The following SEC24B variants were observed in gnomAD, a reference collection of about 807,000 sequenced individuals.
SEC24B encodes protein transport protein Sec24B.
Under a neutral mutation model 142.8 loss-of-function variants are expected in SEC24B, and 45 were observed. That is an observed-to-expected ratio of 0.32 (90% CI 0.25 to 0.40). SEC24B has a LOEUF of 0.40. Ranked by LOEUF, SEC24B falls within the 10% of genes least tolerant of loss-of-function variation. The probability of loss-of-function intolerance (pLI) is 1.00; values close to 1 mark genes in which losing one functional copy is unlikely to be tolerated. For missense variants in SEC24B, 1,409 were observed against 1,526.8 expected (o/e 0.92, Z 1.29); for synonymous variants, 574 against 568.2 (o/e 1.01, Z -0.15).
At chr4:109,487,731 G>A (rs1350657099) in intron 4 of SEC24B, among the ~76,000 whole-genome samples, 1 of 151,968 alleles carries the variant, frequency 6.6e-6, no homozygotes, top group Non-Finnish European at 1.5e-5. Flanking sequence ...GATTTATTTG[G>A]GTTTATAACA....
chr4:109,442,063 A>G (rs530290413), intron 1 of SEC24B, among the ~76,000 whole-genome samples: 4 of 152,274 alleles, frequency 2.6e-5, no homozygotes, highest in South Asian at 2.1e-4. Flanking sequence ...GTAATTGCCT[A>G]TTGCCTTAGG....
intron 7 of SEC24B, among the ~76,000 whole-genome samples, chr4:109,508,452 A>G (rs1440842354): frequency 6.6e-6 from 1 of 152,122 alleles, no homozygotes; most frequent in Non-Finnish European, 1.5e-5. Context: ...CTGTGGTCCC[A>G]GCTACTCTGT....
At position 109,520,417 on chromosome 4, in the gene SEC24B, T is replaced by C; in HGVS notation, c.2178T>C (p.Thr726=). ...TAGGATTCATGACCTTTGATAGCAC[T>C]ATTCATTTCTACAATTTACAAGAAG... The part of the protein sequence containing the change: ...TRIGFMTFDS[T]IHFYNLQEGL... The change falls in exon 12 of 24, where the codon ACT becomes ACC. Residue 726 remains threonine (T), a synonymous_variant. Transcript: ENST00000265175. The C allele has an allele frequency of 6.2e-7, 1 of 1,612,644 alleles. No individual in the cohort carries two copies.
chr4:109,438,453 A>G (rs1033729375), intron 1 of SEC24B, among the ~76,000 whole-genome samples: 2 of 152,140 alleles, frequency 1.3e-5, no homozygotes, highest in Non-Finnish European at 2.9e-5. Flanking sequence ...AGCTGGGACT[A>G]TAGGTGTGTG....
rs1724045963 is a variant in SEC24B at position 109,524,814 on chromosome 4, T to C, written c.2509-4T>C. 1.2e-6 allele frequency: 2 copies of C among 1,609,082 alleles called. No homozygotes were observed. Among genetic ancestry groups the C allele is most frequent in the African/African-American group, 1.3e-5 (1 of 74,630 alleles). ...AGCTCTTACTATATGATCTGTTGAC[T>C]TAGGTGGTACAACATCTTGGCCCTG... On this transcript the variant is annotated splice_region_variant and splice_polypyrimidine_tract_variant and intron_variant, in intron 14 of 23. Transcript: ENST00000265175.
chr4:109,521,235 T>C (rs1029071124), intron 13 of SEC24B, 63 bp downstream of exon 13: 10 of 1,128,762 alleles, frequency 8.9e-6, no homozygotes, highest in Admixed American at 6.4e-5. Flanking sequence ...AACTAAAATA[T>C]TTAACATTTG....
chr4:109,520,867 C>A (rs1276846830), intron 12 of SEC24B, among the ~76,000 whole-genome samples: 2 of 152,172 alleles, frequency 1.3e-5, no homozygotes, highest in Non-Finnish European at 2.9e-5. Context: ...TGGCGCATGC[C>A]TGTAATCCCA....
rs367661955 is a variant in SEC24B, at chr4:109,515,133, C to T, written c.2013+1277C>T. Among the ~76,000 whole-genome samples the T allele has an allele frequency of 4.6e-5, 7 of 152,218 alleles. No homozygotes were observed. In the East Asian group the frequency reaches 1.2e-3, roughly 25 times the overall value. On this transcript the variant is annotated intron_variant, in intron 10 of 23. Coordinates refer to ENST00000265175, the MANE Select transcript of SEC24B (RefSeq NM_006323.5). The stretch of plus-strand genomic sequence containing the variant: ...TATTTATTTTTGAGATGGAGTCACG[C>T]TCTGTCATCCAGGCTGGAGTGCAGT...
intron 17 of SEC24B, 21 bp downstream of exon 17, chr4:109,526,420 A>C: frequency 8.9e-6 from 14 of 1,576,050 alleles, no homozygotes; most frequent in Non-Finnish European, 1.2e-5. Flanking sequence ...CAGAAATGAA[A>C]TATAGTCTGC....
intron 14 of SEC24B, among the ~76,000 whole-genome samples, chr4:109,522,990 C>G (rs1469819886): frequency 6.6e-6 from 1 of 152,094 alleles, no homozygotes; most frequent in Non-Finnish European, 1.5e-5. Flanking sequence ...TACCTCAGCC[C>G]TGCAAAGTGC....
At chr4:109,508,540 C>T (rs1462397661) in intron 7 of SEC24B, among the ~76,000 whole-genome samples, 2 of 151,854 alleles carry the variant, frequency 1.3e-5, no homozygotes, top group African/African-American at 2.4e-5. Context: ...GTACTCCAGC[C>T]TGGGTGACAG....
Position 109,530,332 on chromosome 4 carries a change from T to C in SEC24B, c.3120T>C (p.Asp1040=). 6.2e-7 allele frequency: 1 copy of C among 1,614,050 alleles called. No individual in the cohort carries two copies. The highest frequency in any genetic ancestry group is 8.5e-7 in the Non-Finnish European group (1 of 1,179,942). The part of the protein sequence containing the change: ...SVSSSLSDAR[D]ALVNAVVDSL... Reference sequence around the variant, plus strand: ...CATCAAGTCTGTCAGATGCAAGAGATGCCTTAGTGAATGCTGTAGTGGACT... The same window carrying C: ...CATCAAGTCTGTCAGATGCAAGAGACGCCTTAGTGAATGCTGTAGTGGACT... Residue 1040 remains aspartate (D), a synonymous_variant, in exon 19 of 24, where the codon GAT becomes GAC. Coordinates refer to ENST00000265175, the MANE Select transcript of SEC24B (RefSeq NM_006323.5).
chr4:109,471,818 A>C (rs929093091), intron 2 of SEC24B, among the ~76,000 whole-genome samples: 2 of 152,148 alleles, frequency 1.3e-5, no homozygotes, highest in African/African-American at 4.8e-5. Flanking sequence ...TGTAAGCTGC[A>C]GTGTCCCTCG....
At chr4:109,465,426 A>C (rs1300090949) in intron 2 of SEC24B, among the ~76,000 whole-genome samples, 1 of 151,580 alleles carries the variant, frequency 6.6e-6, no homozygotes, top group Non-Finnish European at 1.5e-5. Flanking sequence ...ACAAATGAAG[A>C]AAGTTATCCA....
intron 22 of SEC24B, among the ~76,000 whole-genome samples, chr4:109,534,111 T>C (rs1218697470): frequency 5.9e-5 from 9 of 151,842 alleles, no homozygotes. Context: ...GGCTCAGTAA[T>C]GGCTCACTAT....
In SEC24B at chr4:109,526,244, T is replaced by C. The variant is rs763044095; in HGVS notation, c.2810T>C (p.Phe937Ser). The C allele has an allele frequency of 6.2e-7, 1 of 1,613,982 alleles. No individual in the cohort carries two copies. The highest frequency in any genetic ancestry group is 8.5e-7 in the Non-Finnish European group (1 of 1,179,952). ...TTTTTAGGTCTTTCAATGCACACTT[T>C]TCACGGTAACTTCTTTGTCCGTTCT... ...RCTKGLSMHT[F>S]HGNFFVRSTD... is the part of the protein sequence containing the mutation. Residue 937 changes from phenylalanine (F) to serine (S), a missense_variant, in exon 17 of 24, where the codon TTT becomes TCT. Physicochemically the swap from Phe to Ser is radical, Grantham distance 155 (BLOSUM62 -2). This residue lies in a region of SEC24B where 700 missense variants were observed against 853.3 expected (regional missense o/e 0.82). Transcript: ENST00000265175.
At chr4:109,516,443 C>A in intron 10 of SEC24B, 85 bp from the exon 11 acceptor site, 1 of 716,914 alleles carries the variant, frequency 1.4e-6, no homozygotes, top group Non-Finnish European at 2.3e-6. Flanking sequence ...TTAATATATT[C>A]AGTAAATATC....
intron 2 of SEC24B, 102 bp from the exon 3 acceptor site, chr4:109,472,902 A>T (rs988730892): frequency 3.1e-5 from 10 of 321,268 alleles, no homozygotes; most frequent in Non-Finnish European, 5.2e-5. Context: ...TTATATAATT[A>T]TATTATATAT....
intron 1 of SEC24B, among the ~76,000 whole-genome samples, chr4:109,441,374 A>G: frequency 6.6e-6 from 1 of 152,222 alleles, no homozygotes; most frequent in East Asian, 1.9e-4. Flanking sequence ...ATATCAGATT[A>G]TATGTAGAAA....
Sources: gnomAD v4.1 joint callset for allele counts (sites outside exome capture counted in the v4.1 genomes callset) on GRCh38, gnomAD v4.1.1 for gene constraint, gnomAD v4.1.1 regional missense constraint, MANE v1.5 for transcripts, NCBI Gene and HGNC (gene_info 2026-07-23, HGNC 2026-07-21) for gene names.